NRAP: variants seen among roughly 807,000 people sequenced by gnomAD.
NRAP encodes the protein nebulin related anchoring protein, also known as nebulin-related-anchoring protein.
Under a neutral mutation model 225.9 loss-of-function variants are expected in NRAP, and 189 were observed. The ratio of observed to expected loss-of-function variants is 0.84; its 90% CI spans 0.74 to 0.94. NRAP has a LOEUF of 0.94. Among genes scored for constraint, NRAP ranks in the 40% least tolerant of loss-of-function variants. The probability of loss-of-function intolerance (pLI) is 0.00; values close to 1 mark genes in which losing one functional copy is unlikely to be tolerated. For synonymous variants in NRAP, 769 were observed against 790.7 expected (o/e 0.97, Z 0.46); for missense variants, 2,176 against 2,168.7 (o/e 1.00, Z -0.07).
At chr10:113,608,563 C>T in intron 31 of NRAP, 51 bp from the exon 32 acceptor site, 7 of 1,190,620 alleles carry the variant, frequency 5.9e-6, no homozygotes, top group Non-Finnish European at 8.6e-6. Flanking sequence ...GGGATAAAAA[C>T]CAGAAGCAGA....
At chr10:113,636,244 A>G (rs1848862606) in intron 14 of NRAP, among the ~76,000 whole-genome samples, 1 of 152,068 alleles carries the variant, frequency 6.6e-6, no homozygotes, top group African/African-American at 2.4e-5. Flanking sequence ...GACCTCACCT[A>G]TGGCCTTGGC....
intron 4 of NRAP, among the ~76,000 whole-genome samples, chr10:113,655,416 CT>C (rs1850247220): frequency 6.6e-6 from 1 of 151,098 alleles, no homozygotes; most frequent in Admixed American, 6.6e-5. Context: ...TGGAATAATC[CT>C]GTCTATCAAT....
chr10:113,599,293 A>G (rs546975773), intron 35 of NRAP, among the ~76,000 whole-genome samples: 1 of 152,158 alleles, frequency 6.6e-6, no homozygotes, highest in Non-Finnish European at 1.5e-5. Flanking sequence ...GTGCCTTCCA[A>G]CTGGTGAAGG....
chr10:113,656,681 A>G (rs1232342503), intron 4 of NRAP, among the ~76,000 whole-genome samples: 1 of 152,250 alleles, frequency 6.6e-6, no homozygotes, highest in Non-Finnish European at 1.5e-5. Flanking sequence ...TACAGATGAG[A>G]AAGTTGAAGT....
rs1246715160 is a variant in NRAP at position 113,589,810 on chromosome 10, A to G, written c.4957-13T>C. 5 of 1,612,052 alleles carry G rather than the reference A, an allele frequency of 3.1e-6. No individual in the cohort carries two copies. The African/African-American group carries it at 6.7e-5, about 22-fold the overall frequency. ...ATTTATACTTGACCTTGAGGGTAAG[A>G]GGGAAGCAAGAGGAATATGTCAGCA... On this transcript the variant is annotated splice_polypyrimidine_tract_variant and intron_variant, in intron 40 of 41. Transcript: ENST00000359988.
chr10:113,596,119 G>A (rs1366935688), intron 37 of NRAP, among the ~76,000 whole-genome samples: 3 of 152,136 alleles, frequency 2.0e-5, no homozygotes, highest in African/African-American at 7.2e-5. Context: ...TGCCTTTGTT[G>A]TTTAACATTA....
At chr10:113,656,830 G>A (rs1850336634) in intron 4 of NRAP, among the ~76,000 whole-genome samples, 1 of 152,224 alleles carries the variant, frequency 6.6e-6, no homozygotes, top group Admixed American at 6.5e-5. Flanking sequence ...ATTGACGAGA[G>A]TGGGTACTTG....
intron 23 of NRAP, 144 bp from the exon 24 acceptor site, chr10:113,622,324 G>A (rs1277086891): frequency 3.3e-6 from 2 of 606,092 alleles, no homozygotes; most frequent in Admixed American, 3.1e-5. Flanking sequence ...GCCTTTTTGA[G>A]CATCCGATAC....
intron 12 of NRAP, among the ~76,000 whole-genome samples, chr10:113,642,241 A>G (rs1849244693): frequency 6.6e-6 from 1 of 152,210 alleles, no homozygotes; most frequent in South Asian, 2.1e-4. Flanking sequence ...AGAGTGGCTC[A>G]GGGAGCTTAA....
At chr10:113,630,596 T>C (rs1236931285) in intron 18 of NRAP, among the ~76,000 whole-genome samples, 1 of 152,192 alleles carries the variant, frequency 6.6e-6, no homozygotes, top group East Asian at 1.9e-4. Context: ...GACTACCACA[T>C]GGCTTTGGGA....
chr10:113,597,278 T>A (rs1846337854), intron 36 of NRAP, 94 bp from the exon 37 acceptor site: 2 of 779,900 alleles, frequency 2.6e-6, no homozygotes, highest in Non-Finnish European at 4.6e-6. Context: ...GTACCTAACA[T>A]GCCAATCATA....
At chr10:113,603,879 C>T (rs1891763) in intron 35 of NRAP, among the ~76,000 whole-genome samples, 152,106 of 152,324 alleles carry the variant, frequency 1, 75,944 homozygotes, top group Middle Eastern at 1. Context: ...AAATGGCACA[C>T]GTGTACGTGC....
At chr10:113,601,887 T>A (rs1209682087) in intron 35 of NRAP, among the ~76,000 whole-genome samples, 1 of 152,222 alleles carries the variant, frequency 6.6e-6, no homozygotes, top group Non-Finnish European at 1.5e-5. Context: ...TTTTACTTTC[T>A]TTTTATTTTT....
chr10:113,622,781 C>A (rs1202378597), intron 23 of NRAP, among the ~76,000 whole-genome samples: 4 of 152,320 alleles, frequency 2.6e-5, no homozygotes, highest in South Asian at 2.1e-4. Context: ...CAGGACAAGC[C>A]TGTGTAACTC....
chr10:113,662,126 G>A (rs1850716905), intron 3 of NRAP, among the ~76,000 whole-genome samples: 1 of 152,162 alleles, frequency 6.6e-6, no homozygotes, highest in Non-Finnish European at 1.5e-5. Flanking sequence ...AGAACAAACA[G>A]TCATATTTGT....
At position 113,645,963 on chromosome 10, in the gene NRAP, G is replaced by A. The variant is rs767479638; in HGVS notation, c.994-22C>T. ...TTATCTGAAAAAAAAAACACAAAAC[G>A]GGGCTGGAGTTGATGTTTCCATGCT... On this transcript the variant is annotated intron_variant, in intron 10 of 41. Transcript: ENST00000359988. The A allele has an allele frequency of 2.0e-5, 25 of 1,274,744 alleles. 1 individual carries two copies. In the South Asian group the frequency reaches 2.8e-4, roughly 14 times the overall value. The allele number at this position is 1,274,744 out of a possible 1,614,324, so 79.0% of individuals were successfully genotyped here. A position where few individuals can be genotyped will look rare whatever the true frequency, so the allele number is the denominator to read the frequency against.
intron 23 of NRAP, among the ~76,000 whole-genome samples, 174 bp from the exon 24 acceptor site, chr10:113,622,354 A>G (rs534646001): frequency 6.6e-6 from 1 of 152,338 alleles, no homozygotes; most frequent in African/African-American, 2.4e-5. Context: ...CATCAGTGAA[A>G]GAAAATAGTA....
chr10:113,630,846 G>A (rs762782873), intron 18 of NRAP, among the ~76,000 whole-genome samples: 37 of 152,174 alleles, frequency 2.4e-4, no homozygotes, highest in Admixed American at 5.2e-4. Context: ...CATCAGAGCA[G>A]CATAAGTTGG....
intron 4 of NRAP, among the ~76,000 whole-genome samples, chr10:113,655,017 A>T (rs990729498): frequency 1.3e-5 from 2 of 152,158 alleles, no homozygotes; most frequent in Non-Finnish European, 2.9e-5. Context: ...GGTGGGCTGG[A>T]GGGGGGCAAG....
Sources: allele counts gnomAD v4.1 joint callset (sites outside exome capture counted in the v4.1 genomes callset), GRCh38; gene constraint gnomAD v4.1.1; transcripts MANE v1.5; gene names NCBI Gene and HGNC (gene_info 2026-07-23, HGNC 2026-07-21).